Variants in CALN1 observed in about 807,000 individuals in gnomAD.
CALN1 encodes the protein calneuron 1.
Under a neutral mutation model 30.6 loss-of-function variants are expected in CALN1, and 17 were observed. That is an observed-to-expected ratio of 0.56 (90% CI 0.38 to 0.83). CALN1 has a LOEUF of 0.83. Ranked by LOEUF, CALN1 falls within the 40% of genes least tolerant of loss-of-function variation. The pLI is 0.00. For synonymous variants in CALN1, 156 were observed against 131.4 expected, an observed-to-expected ratio of 1.19 and a Z score of -1.28; for missense variants, 291 against 354.9, an observed-to-expected ratio of 0.82 and a Z score of 1.45.
chr7:72,417,092 C>T (rs1585706383), upstream of CALN1, among the ~76,000 whole-genome samples: 1 of 152,350 alleles, frequency 6.6e-6, no homozygotes, highest in East Asian at 1.9e-4. Context: ...TGGAGATATG[C>T]TCAGTGAGTA....
intron 5 of CALN1, among the ~76,000 whole-genome samples, chr7:71,823,762 GAAAGA>G (rs947126138): frequency 3.9e-4 from 60 of 151,934 alleles, no homozygotes; most frequent in African/African-American, 1.2e-3. Flanking sequence ...AAGAAAAAGA[GAAAGA>G]AAAGAAAAGG....
intron 2 of CALN1, among the ~76,000 whole-genome samples, chr7:72,397,195 G>A (rs985691266): frequency 6.6e-6 from 1 of 152,106 alleles, no homozygotes; most frequent in East Asian, 1.9e-4. Flanking sequence ...ACAATCATAA[G>A]CCATCATACT....
chr7:71,805,182 C>A (rs896350153), intron 6 of CALN1, among the ~76,000 whole-genome samples: 3 of 152,122 alleles, frequency 2.0e-5, no homozygotes, highest in Admixed American at 6.5e-5. Flanking sequence ...TTTCTTTGCC[C>A]ATCTCTTAGT....
upstream of CALN1, among the ~76,000 whole-genome samples, chr7:72,451,370 TAAG>T (rs1327362705): frequency 1.9e-5 from 2 of 106,210 alleles, no homozygotes; most frequent in African/African-American, 7.6e-5. Flanking sequence ...GTAGAAAAAA[TAAG>T]AAAGAAGAAG....
At chr7:72,249,889 A>T (rs1041014216) in intron 3 of CALN1, among the ~76,000 whole-genome samples, 1 of 150,566 alleles carries the variant, frequency 6.6e-6, no homozygotes, top group African/African-American at 2.4e-5. Context: ...GTGAGCCAAG[A>T]TCACACCACT....
At chr7:72,191,415 A>C (rs1428364838) in intron 3 of CALN1, among the ~76,000 whole-genome samples, 1 of 152,220 alleles carries the variant, frequency 6.6e-6, no homozygotes, top group East Asian at 1.9e-4. Flanking sequence ...CAGCCTGGCC[A>C]ACACAGTGAA....
chr7:72,170,733 A>G (rs992254417), intron 3 of CALN1, among the ~76,000 whole-genome samples: 7 of 152,220 alleles, frequency 4.6e-5, no homozygotes, highest in Non-Finnish European at 1.0e-4. Context: ...AGATTTTTTG[A>G]GCAAAGTCAT....
chr7:72,261,108 G>A (rs1251592836), intron 3 of CALN1, among the ~76,000 whole-genome samples: 1 of 152,134 alleles, frequency 6.6e-6, no homozygotes, highest in Non-Finnish European at 1.5e-5. Context: ...AGGAGTTCGA[G>A]ACCAGCTGGG....
At chr7:72,408,288 A>T (rs987427177) in intron 1 of CALN1, among the ~76,000 whole-genome samples, 1 of 148,912 alleles carries the variant, frequency 6.7e-6, no homozygotes, top group African/African-American at 2.4e-5. Context: ...AAAAAAAAAA[A>T]AAATTAGTAG....
At chr7:72,494,073 C>T in the CALN1 span, among the ~76,000 whole-genome samples, 14 of 152,018 alleles carry the variant, frequency 9.2e-5, no homozygotes, top group African/African-American at 3.4e-4. Context: ...TGCCTGTAGG[C>T]TCAGCTACTC....
intron 5 of CALN1, among the ~76,000 whole-genome samples, chr7:71,963,493 C>T (rs1283346882): frequency 1.3e-5 from 2 of 151,854 alleles, no homozygotes; most frequent in East Asian, 3.9e-4. Context: ...TTAGTAGAGA[C>T]AGGGTTTTGC....
chr7:72,410,738 G>A (rs572465902), intron 1 of CALN1, among the ~76,000 whole-genome samples: 2 of 152,112 alleles, frequency 1.3e-5, no homozygotes, highest in African/African-American at 4.8e-5. Context: ...AGTAAAATAG[G>A]GAACTATATA....
At chr7:72,222,342 C>A (rs1236279306) in intron 3 of CALN1, among the ~76,000 whole-genome samples, 2 of 152,146 alleles carry the variant, frequency 1.3e-5, no homozygotes, top group East Asian at 3.8e-4. Flanking sequence ...CTGGCCAGGC[C>A]TCAGGAAACT....
intron 3 of CALN1, among the ~76,000 whole-genome samples, chr7:72,216,219 A>C (rs1792800081): frequency 6.6e-6 from 1 of 152,132 alleles, no homozygotes; most frequent in Non-Finnish European, 1.5e-5. Context: ...GTTCGAGACC[A>C]GCTTGGGCAA....
At chr7:71,915,030 C>T (rs561794248) in intron 5 of CALN1, among the ~76,000 whole-genome samples, 7 of 152,194 alleles carry the variant, frequency 4.6e-5, no homozygotes, top group South Asian at 2.1e-4. Flanking sequence ...GGCAACAGGA[C>T]GCTGGTACAC....
intron 3 of CALN1, among the ~76,000 whole-genome samples, chr7:72,196,408 C>G (rs185523322): frequency 1.7e-4 from 26 of 152,300 alleles, no homozygotes; most frequent in African/African-American, 6.3e-4. Flanking sequence ...CATGAGCCAC[C>G]GCTCCTGGCC....
chr7:72,258,724 C>T (rs1335389424), intron 3 of CALN1, among the ~76,000 whole-genome samples: 1 of 151,956 alleles, frequency 6.6e-6, no homozygotes, highest in Non-Finnish European at 1.5e-5. Context: ...TCAAGACCAG[C>T]CTGGCCAACA....
the CALN1 span, among the ~76,000 whole-genome samples, chr7:72,463,096 G>C: frequency 4.6e-5 from 7 of 151,990 alleles, no homozygotes; most frequent in Non-Finnish European, 7.4e-5. Context: ...GGCTCACAGA[G>C]CCAGAATGCT....
chr7:72,088,993 TAAG>T (rs1263317112), intron 4 of CALN1, among the ~76,000 whole-genome samples: 1 of 151,922 alleles, frequency 6.6e-6, no homozygotes, highest in Non-Finnish European at 1.5e-5. Context: ...TAATTAAAAA[TAAG>T]AAACAGAAAA....
Sources: gnomAD v4.1 joint callset for allele counts (sites outside exome capture counted in the v4.1 genomes callset) on GRCh38, gnomAD v4.1.1 for gene constraint, MANE v1.5 for transcripts, NCBI Gene and HGNC (gene_info 2026-07-23, HGNC 2026-07-21) for gene names.